Variants in PMFBP1 observed in about 807,000 individuals in gnomAD.
PMFBP1 encodes the protein polyamine modulated factor 1 binding protein 1.
PMFBP1 carries 131 observed loss-of-function variants against 137.8 expected under a neutral mutation model. The ratio of observed to expected loss-of-function variants is 0.95; its 90% confidence interval spans 0.82 to 1.10. The LOEUF (loss-of-function observed/expected upper bound fraction) is 1.10. Among genes scored for constraint, PMFBP1 ranks in the 50% least tolerant of loss-of-function variants. The pLI, the probability that PMFBP1 is intolerant of heterozygous loss-of-function variation, is 0.00. For missense variants in PMFBP1, 1,199 were observed against 1,175.4 expected (o/e 1.02, Z -0.29); for synonymous variants, 490 against 450.4 (o/e 1.09, Z -1.11).
At chr16:72,141,866 A>T (rs1038562315) in intron 5 of PMFBP1, among the ~76,000 whole-genome samples, 5 of 152,088 alleles carry the variant, frequency 3.3e-5, no homozygotes, top group African/African-American at 1.2e-4. Flanking sequence ...AACACCTAAC[A>T]CTGTCATCAA....
intron 19 of PMFBP1, among the ~76,000 whole-genome samples, chr16:72,120,928 T>C (rs2042368423): frequency 6.6e-6 from 1 of 152,234 alleles, no homozygotes; most frequent in Non-Finnish European, 1.5e-5. Flanking sequence ...TGAGCTCATA[T>C]GTGTCAACGC....
chr16:72,123,012 A>G (rs760957684), intron 18 of PMFBP1, 24 bp from the exon 19 acceptor site: 1 of 1,605,474 alleles, frequency 6.2e-7, no homozygotes, highest in Admixed American at 1.7e-5. Context: ...ACAGGAGAAA[A>G]CAGCAGCCAG....
intron 2 of PMFBP1, among the ~76,000 whole-genome samples, chr16:72,165,867 A>T (rs1304030836): frequency 6.6e-6 from 1 of 152,148 alleles, no homozygotes; most frequent in Non-Finnish European, 1.5e-5. Flanking sequence ...TGAGATATAA[A>T]TAGAATGTGT....
chr16:72,119,500 A>G, intron 20 of PMFBP1, 146 bp from the exon 21 acceptor site: 4 of 1,535,992 alleles, frequency 2.6e-6, no homozygotes, highest in Non-Finnish European at 3.5e-6. Context: ...GGTGGCAGGA[A>G]AGGCGGCTGT....
the PMFBP1 span, among the ~76,000 whole-genome samples, chr16:72,230,517 A>G: frequency 3.9e-5 from 6 of 152,320 alleles, no homozygotes; most frequent in Admixed American, 3.9e-4. Flanking sequence ...TAGATGGTCC[A>G]GGTATGGCAA....
chr16:72,125,995 C>T lies in PMFBP1; in HGVS notation c.2226G>A (p.Gln742=), dbSNP rs1353603787. 6.2e-7 allele frequency: 1 copy of T among 1,614,042 alleles called. No homozygotes were observed. Among genetic ancestry groups the T allele is most frequent in the Non-Finnish European group, 8.5e-7 (1 of 1,180,022 alleles). ...DALSRKSAAC[Q]DDLTQALEKL... is the part of the protein sequence containing the mutation. ...TCTCGAGGGCTTGTGTCAGGTCATC[C>T]TGGCAGGCGGCTGACTTCCGGGATA... The change falls in exon 15 of 21, where the codon CAG becomes CAA. Residue 742 remains glutamine, a synonymous_variant. Coordinates refer to ENST00000237353, the MANE Select transcript of PMFBP1 (RefSeq NM_031293.3).
intron 5 of PMFBP1, among the ~76,000 whole-genome samples, chr16:72,144,068 G>T (rs1203240089): frequency 6.6e-6 from 1 of 151,982 alleles, no homozygotes; most frequent in Non-Finnish European, 1.5e-5. Context: ...AAAATTAAAT[G>T]TATAAAAGAT....
downstream of PMFBP1, chr16:72,118,955 A>C (rs2042337109): frequency 1.2e-5 from 2 of 172,516 alleles, no homozygotes; most frequent in Non-Finnish European, 2.4e-5. Context: ...ACGAATCCAG[A>C]AGCTTGCATT....
intron 7 of PMFBP1, among the ~76,000 whole-genome samples, chr16:72,137,430 G>A (rs956257444): frequency 8.5e-5 from 13 of 152,180 alleles, no homozygotes; most frequent in African/African-American, 2.2e-4. Context: ...ACAGAAGAGC[G>A]AAGGGGAATG....
chr16:72,192,983 A>T, the PMFBP1 span, among the ~76,000 whole-genome samples: 10 of 152,142 alleles, frequency 6.6e-5, no homozygotes, highest in African/African-American at 2.4e-4. Context: ...TGATGAAAGA[A>T]TGTGCACGTT....
the PMFBP1 span, among the ~76,000 whole-genome samples, chr16:72,194,542 T>A: frequency 1.3e-5 from 2 of 152,220 alleles, no homozygotes; most frequent in Non-Finnish European, 2.9e-5. Flanking sequence ...TCACCCAAAT[T>A]GGATTTCTGA....
chr16:72,187,173 T>C, the PMFBP1 span, among the ~76,000 whole-genome samples: 1 of 152,064 alleles, frequency 6.6e-6, no homozygotes, highest in East Asian at 1.9e-4. Context: ...ACTTAACTTC[T>C]GAAGAAACAT....
the PMFBP1 span, among the ~76,000 whole-genome samples, chr16:72,204,533 G>A: frequency 6.6e-6 from 1 of 152,064 alleles, no homozygotes; most frequent in African/African-American, 2.4e-5. Context: ...GAACCAAATG[G>A]GCAGTCCTTT....
At chr16:72,227,707 C>A in the PMFBP1 span, among the ~76,000 whole-genome samples, 1 of 152,096 alleles carries the variant, frequency 6.6e-6, no homozygotes, top group Non-Finnish European at 1.5e-5. Context: ...TCCAATCCCA[C>A]CCCTCTAACA....
At chr16:72,116,850 A>G (rs990407060), downstream of PMFBP1, among the ~76,000 whole-genome samples, 12 of 152,038 alleles carry the variant, frequency 7.9e-5, no homozygotes, top group South Asian at 4.1e-4. Context: ...AGTCTATTCC[A>G]TTGGTTTGTA....
chr16:72,166,172 T>A (rs1454602961), intron 2 of PMFBP1, among the ~76,000 whole-genome samples: 1 of 152,174 alleles, frequency 6.6e-6, no homozygotes, highest in Admixed American at 6.5e-5. Context: ...CCAAACCTCA[T>A]CTCAAATTGT....
the PMFBP1 span, among the ~76,000 whole-genome samples, chr16:72,201,845 T>C: frequency 6.0e-4 from 91 of 152,288 alleles, no homozygotes; most frequent in South Asian, 4.2e-3. Flanking sequence ...ATCAGATATA[T>C]TGAAAGACAA....
the PMFBP1 span, among the ~76,000 whole-genome samples, chr16:72,232,901 C>T: frequency 1.1e-4 from 17 of 151,994 alleles, no homozygotes; most frequent in African/African-American, 4.1e-4. Flanking sequence ...GTGTCAGAGG[C>T]AGACATGTAT....
At chr16:72,175,333 C>T (rs1173629298), upstream of PMFBP1, among the ~76,000 whole-genome samples, 2 of 152,154 alleles carry the variant, frequency 1.3e-5, no homozygotes, top group Non-Finnish European at 2.9e-5. Context: ...GGAAAAGGGG[C>T]ATAAGTGAAC....
Sources: allele counts gnomAD v4.1 joint callset (sites outside exome capture counted in the v4.1 genomes callset), GRCh38; gene constraint gnomAD v4.1.1; transcripts MANE v1.5; gene names NCBI Gene and HGNC (gene_info 2026-07-23, HGNC 2026-07-21).